The following CDH12 variants were observed in gnomAD, a reference collection of about 807,000 sequenced individuals.
The protein encoded by CDH12 is cadherin 12.
Under a neutral mutation model 74.1 loss-of-function variants are expected in CDH12, and 41 were observed. The ratio of observed to expected loss-of-function variants is 0.55; its 90% confidence interval spans 0.43 to 0.72. CDH12 has a LOEUF of 0.72. CDH12 is among the 30% of genes least tolerant of loss of function. The probability of loss-of-function intolerance (pLI) is 0.00; values close to 1 mark genes in which losing one functional copy is unlikely to be tolerated. For synonymous variants in CDH12, 399 were observed against 355.0 expected (o/e 1.12, Z -1.39); for missense variants, 945 against 977.2 (o/e 0.97, Z 0.44).
At chr5:22,159,759 T>C (rs890348265) in intron 4 of CDH12, among the ~76,000 whole-genome samples, 1 of 152,198 alleles carries the variant, frequency 6.6e-6, no homozygotes, top group Non-Finnish European at 1.5e-5. Context: ...CTGGATGAGT[T>C]TAAATATACT....
At chr5:22,356,873 T>A (rs1361048821) in intron 3 of CDH12, among the ~76,000 whole-genome samples, 2 of 152,042 alleles carry the variant, frequency 1.3e-5, no homozygotes, top group Non-Finnish European at 2.9e-5. Context: ...GAGAAAAAAG[T>A]TTGCTATGGA....
At chr5:22,402,351 A>G (rs1340262090) in intron 3 of CDH12, among the ~76,000 whole-genome samples, 1 of 152,232 alleles carries the variant, frequency 6.6e-6, no homozygotes, top group East Asian at 1.9e-4. Context: ...AAAGACAAAC[A>G]TTAAAGATCT....
In CDH12 at chr5:22,150,455, T is replaced by TTA. The variant is rs939639808; in HGVS notation, c.-187+62041_-187+62042dup. Among the ~76,000 whole-genome samples, 113 of 151,730 alleles carry TTA rather than the reference T, an allele frequency of 7.4e-4. 1 individual carries two copies. The highest frequency in any genetic ancestry group is 2.1e-3 in the African/African-American group (86 of 41,408). ...AACTAGCAATGAACAGCAAATGTAA[T>TTA]TATATATATATGTATATATAGAGAG... On this transcript the variant is annotated intron_variant, in intron 4 of 14. Transcript: ENST00000382254.
intron 1 of CDH12, among the ~76,000 whole-genome samples, chr5:22,731,584 A>G (rs1320771194): frequency 1.3e-5 from 2 of 151,922 alleles, no homozygotes; most frequent in Admixed American, 6.6e-5. Context: ...TTAACTTTCT[A>G]CAAAATCTCA....
At chr5:22,153,889 A>ATATGTATATATATATATATATGTATATAT (rs1561168560) in intron 4 of CDH12, among the ~76,000 whole-genome samples, 1 of 42,058 alleles carries the variant, frequency 2.4e-5, no homozygotes, top group African/African-American at 6.5e-5. Context: ...TATATATATA[A>ATATGTATATATATATATATATGTATATAT]ATATATATAT....
At chr5:22,213,724 T>G (rs772606581) in intron 3 of CDH12, 1 of 152,128 alleles carries the variant, frequency 6.6e-6, no homozygotes. Flanking sequence ...TTTTGCAGGA[T>G]AAAATTATGC....
At chr5:22,179,065 T>G (rs147710555) in intron 4 of CDH12, among the ~76,000 whole-genome samples, 8,311 of 152,132 alleles carry the variant, frequency 0.055, 98 homozygotes, top group Non-Finnish European at 0.06. Context: ...CTTCTAGGAT[T>G]AAAATGATCT....
Position 21,894,849 on chromosome 5 carries a change from C to G in CDH12, c.527-40059G>C, listed in dbSNP as rs76065722. 5.7e-3 allele frequency among the ~76,000 whole-genome samples: 860 copies of G among 152,040 alleles called. 8 individuals are homozygous for G. The highest frequency in any genetic ancestry group is 0.02 in the African/African-American group (815 of 41,474). On this transcript the variant is annotated intron_variant, in intron 6 of 14. Coordinates refer to ENST00000382254, the MANE Select transcript of CDH12 (RefSeq NM_004061.5). ...AACTAAAGGATCTTTCTCTGGATAC[C>G]TTGTGACTGCTCCTCAGCCCTCTAA...
chr5:21,845,178 G>A lies in CDH12; in HGVS notation c.647-2850C>T, dbSNP rs565181279. ...ATTGATAACTTGAATCCTAGTCTAG[G>A]ATCCATCATACCATTTCACATGAAT... is the stretch of plus-strand genomic sequence containing the variant. On this transcript the variant is annotated intron_variant, in intron 7 of 14. Transcript: ENST00000382254. 2.8e-4 allele frequency among the ~76,000 whole-genome samples: 42 copies of A among 152,200 alleles called. No homozygotes were observed. In the South Asian group the frequency reaches 3.9e-3, roughly 14 times the overall value.
At chr5:22,523,178 CT>C (rs1283097816) in intron 1 of CDH12, among the ~76,000 whole-genome samples, 1 of 152,040 alleles carries the variant, frequency 6.6e-6, no homozygotes, top group Non-Finnish European at 1.5e-5. Flanking sequence ...TCCTAGAATT[CT>C]TTTATTTTCC....
At chr5:21,832,423 A>AAAG (rs1749076474) in intron 8 of CDH12, among the ~76,000 whole-genome samples, 1 of 152,042 alleles carries the variant, frequency 6.6e-6, no homozygotes, top group African/African-American at 2.4e-5. Flanking sequence ...ATCTCCTTAT[A>AAAG]GGAGAATCTG....
chr5:22,338,840 GTAAGCT>G (rs1342313382), intron 3 of CDH12, among the ~76,000 whole-genome samples: 2 of 152,196 alleles, frequency 1.3e-5, no homozygotes, highest in African/African-American at 4.8e-5. Context: ...CTTTGAAGAA[GTAAGCT>G]CCTATGTTGT....
At chr5:21,987,432 G>A (rs1369285027) in intron 5 of CDH12, among the ~76,000 whole-genome samples, 2 of 152,136 alleles carry the variant, frequency 1.3e-5, no homozygotes, top group Admixed American at 1.3e-4. Flanking sequence ...ATTGTTAGCT[G>A]TATGTCTCAG....
intron 1 of CDH12, among the ~76,000 whole-genome samples, chr5:22,704,045 G>T (rs1409045690): frequency 1.3e-5 from 2 of 152,084 alleles, no homozygotes; most frequent in East Asian, 1.9e-4. Flanking sequence ...AACATTTTTT[G>T]GGGGGTTCCA....
intron 5 of CDH12, among the ~76,000 whole-genome samples, chr5:22,052,610 G>T (rs1740453398): frequency 6.6e-6 from 1 of 151,782 alleles, no homozygotes; most frequent in Admixed American, 6.6e-5. Flanking sequence ...CATTTTTTTT[G>T]ATTTGCAAGA....
intron 3 of CDH12, among the ~76,000 whole-genome samples, chr5:22,395,659 A>G (rs1742424145): frequency 6.6e-6 from 1 of 152,128 alleles, no homozygotes; most frequent in Non-Finnish European, 1.5e-5. Flanking sequence ...CTAAGCAGAA[A>G]TGTCATGTAG....
intron 5 of CDH12, among the ~76,000 whole-genome samples, chr5:22,057,884 G>A (rs60019888): frequency 0.017 from 2,645 of 152,134 alleles, 60 homozygotes; most frequent in African/African-American, 0.058. Flanking sequence ...GGGTACGTGA[G>A]GATTCACAAT....
At chr5:22,841,302 C>T (rs1483745808) in intron 1 of CDH12, among the ~76,000 whole-genome samples, 1 of 152,056 alleles carries the variant, frequency 6.6e-6, no homozygotes, top group Non-Finnish European at 1.5e-5. Flanking sequence ...AAATAGAGGA[C>T]ATAAAAGGGC....
chr5:22,211,026 C>G (rs1440400406), intron 4 of CDH12, among the ~76,000 whole-genome samples: 2 of 152,266 alleles, frequency 1.3e-5, no homozygotes, highest in East Asian at 3.9e-4. Context: ...TACACATCAG[C>G]CTTTGGGAAC....
Sources: gnomAD v4.1 joint callset for allele counts (sites outside exome capture counted in the v4.1 genomes callset) on GRCh38, gnomAD v4.1.1 for gene constraint, MANE v1.5 for transcripts, NCBI Gene and HGNC (gene_info 2026-07-23, HGNC 2026-07-21) for gene names.